ENPP4: variants seen among roughly 807,000 people sequenced by gnomAD.
The protein encoded by ENPP4 is ectonucleotide pyrophosphatase/phosphodiesterase 4.
ENPP4 carries 18 observed loss-of-function variants against 33.4 expected under a neutral mutation model. The ratio of observed to expected loss-of-function variants is 0.54; its 90% CI spans 0.37 to 0.80. ENPP4 has a LOEUF of 0.80. ENPP4 is among the 30% of genes least tolerant of loss of function. The pLI is 0.00. For missense variants in ENPP4, 480 were observed against 541.7 expected (o/e 0.89, Z 1.13); for synonymous variants, 172 against 189.9 (o/e 0.91, Z 0.78).
intron 1 of ENPP4, among the ~76,000 whole-genome samples, chr6:46,130,538 G>T (rs372443061): frequency 1.3e-5 from 2 of 152,174 alleles, no homozygotes; most frequent in East Asian, 1.9e-4. Flanking sequence ...GGGCGGGGTC[G>T]CCAGGCTTTT....
intron 1 of ENPP4, among the ~76,000 whole-genome samples, chr6:46,131,821 T>A (rs1017263720): frequency 1.3e-5 from 2 of 152,172 alleles, no homozygotes; most frequent in Non-Finnish European, 2.9e-5. Context: ...CAGCACCTGT[T>A]GTGTCCTGAC....
intron 1 of ENPP4, among the ~76,000 whole-genome samples, chr6:46,134,524 T>C (rs1005958286): frequency 2.0e-5 from 3 of 152,096 alleles, no homozygotes; most frequent in Non-Finnish European, 4.4e-5. Flanking sequence ...AGGTTTTTGG[T>C]CTGTTTTGCA....
chr6:46,130,273 T>A (rs1763872252), intron 1 of ENPP4, 84 bp downstream of exon 1: 1 of 152,084 alleles, frequency 6.6e-6, no homozygotes, highest in Non-Finnish European at 1.5e-5. Flanking sequence ...AAAATAGAGA[T>A]GGTGAGACCA....
At chr6:46,135,774 ATTTTC>A (rs1325707842) in intron 1 of ENPP4, among the ~76,000 whole-genome samples, 1 of 151,566 alleles carries the variant, frequency 6.6e-6, no homozygotes, top group Admixed American at 6.6e-5. Flanking sequence ...TTACTCCTAC[ATTTTC>A]TTTTAAGAGT....
At chr6:46,141,305 G>A (rs1206872409) in intron 3 of ENPP4, 83 bp downstream of exon 3, 7 of 977,028 alleles carry the variant, frequency 7.2e-6, no homozygotes, top group Admixed American at 5.3e-5. Context: ...AGGGTACTTC[G>A]ATTTAAAGAA....
chr6:46,140,134 A>G lies in ENPP4; in HGVS notation c.551A>G (p.Tyr184Cys). The part of the protein sequence containing the change: ...SNPPVTFATL[Y>C]WEEPDASGHK... ...CCACCAGTCACCTTTGCAACACTAT[A>G]TTGGGAAGAACCAGATGCAAGTGGC... is the stretch of plus-strand genomic sequence containing the variant. Residue 184 changes from tyrosine to cysteine, a missense_variant, in exon 2 of 4, where the codon TAT becomes TGT. Coordinates refer to ENST00000321037, the MANE Select transcript of ENPP4 (RefSeq NM_014936.5). 6.2e-7 allele frequency: 1 copy of G among 1,612,656 alleles called. No individual in the cohort carries two copies. Among genetic ancestry groups the G allele is most frequent in the Non-Finnish European group, 8.5e-7 (1 of 1,179,066 alleles).
intron 1 of ENPP4, among the ~76,000 whole-genome samples, chr6:46,131,372 A>G (rs1335979115): frequency 7.4e-6 from 1 of 134,238 alleles, no homozygotes; most frequent in East Asian, 2.1e-4. Context: ...ATGTGTTCTC[A>G]TTGTTCAATT....
chr6:46,143,008 G>A (rs189464963), intron 3 of ENPP4, among the ~76,000 whole-genome samples: 127 of 151,710 alleles, frequency 8.4e-4, no homozygotes, highest in African/African-American at 2.8e-3. Flanking sequence ...ATTGGTACTC[G>A]GGCTGAAAGA....
chr6:46,138,142 A>G (rs1393207398), intron 1 of ENPP4, among the ~76,000 whole-genome samples: 1 of 151,756 alleles, frequency 6.6e-6, no homozygotes, highest in African/African-American at 2.4e-5. Context: ...TGTAACTTTC[A>G]CTAAAAGTTA....
intron 2 of ENPP4, 64 bp downstream of exon 2, chr6:46,140,473 G>A (rs552538882): frequency 5.1e-6 from 5 of 976,006 alleles, no homozygotes; most frequent in African/African-American, 4.9e-5. Context: ...AGGGGGGTGG[G>A]TTGTATAAAA....
chr6:46,137,076 C>G lies in ENPP4; in HGVS notation c.-33-2475C>G, dbSNP rs532672123. Reference sequence around the variant, plus strand: ...GATCTCTTTGTTACTGAGAGAATGGCGAAGCTGTTTTAAAGGGTTGGGAAC... The same window carrying G: ...GATCTCTTTGTTACTGAGAGAATGGGGAAGCTGTTTTAAAGGGTTGGGAAC... On this transcript the variant is annotated intron_variant, in intron 1 of 3. Coordinates refer to ENST00000321037, the MANE Select transcript of ENPP4 (RefSeq NM_014936.5). Among the ~76,000 whole-genome samples, 7 of 151,690 alleles carry G rather than the reference C, an allele frequency of 4.6e-5. No homozygotes were observed. In the East Asian group the frequency reaches 9.7e-4, roughly 21 times the overall value.
intron 3 of ENPP4, among the ~76,000 whole-genome samples, chr6:46,141,607 C>A (rs927144414): frequency 6.6e-6 from 1 of 151,542 alleles, no homozygotes; most frequent in Non-Finnish European, 1.5e-5. Flanking sequence ...AAGTCTTCCC[C>A]AGTAACAAAA....
chr6:46,136,694 T>C (rs1763979998), intron 1 of ENPP4, among the ~76,000 whole-genome samples: 1 of 151,842 alleles, frequency 6.6e-6, no homozygotes, highest in Non-Finnish European at 1.5e-5. Context: ...TAAGGGAACA[T>C]GAACAGAGCT....
chr6:46,139,255 C>T lies in ENPP4; in HGVS notation c.-33-296C>T, dbSNP rs6458491. ...CTGCATCTATTTTTATTAAGCCTTT[C>T]GAAGAATTTCTAATGTGGCAAATGA... On this transcript the variant is annotated intron_variant, in intron 1 of 3. Transcript: ENST00000321037. Among the ~76,000 whole-genome samples, 645 of 151,372 alleles carry T rather than the reference C, an allele frequency of 4.3e-3. 6 individuals carry two copies. The highest frequency in any genetic ancestry group is 0.015 in the African/African-American group (613 of 41,308).
intron 1 of ENPP4, among the ~76,000 whole-genome samples, chr6:46,134,119 C>T (rs1461405290): frequency 6.6e-6 from 1 of 152,146 alleles, no homozygotes; most frequent in Non-Finnish European, 1.5e-5. Context: ...CAATAATATT[C>T]TGCCTATCAT....
chr6:46,137,769 G>A (rs1763997056), intron 1 of ENPP4, among the ~76,000 whole-genome samples: 1 of 151,732 alleles, frequency 6.6e-6, no homozygotes, highest in Admixed American at 6.6e-5. Flanking sequence ...CATTCAGAAG[G>A]CAACCTGTCT....
chr6:46,140,739 A>G (rs982653920), intron 2 of ENPP4, among the ~76,000 whole-genome samples: 2 of 151,712 alleles, frequency 1.3e-5, no homozygotes, highest in African/African-American at 4.8e-5. Context: ...TCTACTGATC[A>G]TAGAAGTAGT....
At chr6:46,130,794 GA>G (rs1475843119) in intron 1 of ENPP4, among the ~76,000 whole-genome samples, 1 of 152,166 alleles carries the variant, frequency 6.6e-6, no homozygotes, top group Non-Finnish European at 1.5e-5. Flanking sequence ...CCATTTTACA[GA>G]TGACGAAAGT....
At position 46,145,292 on chromosome 6, in the gene ENPP4, T is replaced by G. The variant is rs150341420; in HGVS notation, c.*1652T>G. 3.3e-3 allele frequency: 685 copies of G among 209,330 alleles called. 4 individuals are homozygous for G. Among genetic ancestry groups the G allele is most frequent in the African/African-American group, 0.015 (647 of 43,904 alleles). The allele number at this position is 209,330 out of a possible 1,614,324, so 13.0% of individuals were successfully genotyped here. A position where few individuals can be genotyped will look rare whatever the true frequency, so the allele number is the denominator to read the frequency against. ...ATTTGCTGCCTATTGTATTTGTGGT[T>G]GTTGAGAGGCATTTTCAAACCCTGT... On this transcript the variant is annotated 3_prime_UTR_variant, in exon 4 of 4. Coordinates refer to ENST00000321037, the MANE Select transcript of ENPP4 (RefSeq NM_014936.5).
Sources: gnomAD v4.1 joint callset for allele counts (sites outside exome capture counted in the v4.1 genomes callset) on GRCh38, gnomAD v4.1.1 for gene constraint, MANE v1.5 for transcripts, NCBI Gene and HGNC (gene_info 2026-07-23, HGNC 2026-07-21) for gene names.